The following CABP1 variants were observed in gnomAD, a reference collection of about 807,000 sequenced individuals.
The protein encoded by CABP1 is calcium binding protein 1.
CABP1 carries 17 observed loss-of-function variants against 34.3 expected under a neutral mutation model. The observed-to-expected ratio is 0.50, with a 90% CI of 0.34 to 0.74. CABP1 has a LOEUF of 0.74. Among genes scored for constraint, CABP1 ranks in the 30% least tolerant of loss-of-function variants. The pLI is 0.01. For missense variants in CABP1, 373 were observed against 511.1 expected (o/e 0.73, Z 2.61); for synonymous variants, 198 against 229.2 (o/e 0.86, Z 1.23).
intron 1 of CABP1, among the ~76,000 whole-genome samples, chr12:120,648,602 T>C (rs1487903158): frequency 6.6e-6 from 1 of 152,102 alleles, no homozygotes; most frequent in Non-Finnish European, 1.5e-5. Flanking sequence ...CTGGCAGCGC[T>C]GGGCATGGTG....
At chr12:120,648,268 C>A (rs758488153) in intron 1 of CABP1, among the ~76,000 whole-genome samples, 18 of 152,208 alleles carry the variant, frequency 1.2e-4, no homozygotes, top group Non-Finnish European at 2.2e-4. Context: ...GTTTTCCCTT[C>A]ATAGCATTTA....
chr12:120,655,924 C>CT (rs1207600379), intron 1 of CABP1: 2 of 1,537,252 alleles, frequency 1.3e-6, no homozygotes, highest in Non-Finnish European at 1.7e-6. Flanking sequence ...ATTGGAGACT[C>CT]TGTCTGTTGG....
At chr12:120,678,464 A>G in the CABP1 span, among the ~76,000 whole-genome samples, 25 of 152,082 alleles carry the variant, frequency 1.6e-4, no homozygotes, top group African/African-American at 4.3e-4. Context: ...TTTTCTATTT[A>G]TCAGATTGCC....
the CABP1 span, among the ~76,000 whole-genome samples, chr12:120,675,209 C>T: frequency 1.2e-3 from 185 of 152,092 alleles, no homozygotes; most frequent in Non-Finnish European, 2.3e-3. Flanking sequence ...TGCACCGCCA[C>T]GCCCAGCTAA....
At chr12:120,678,033 C>T in the CABP1 span, among the ~76,000 whole-genome samples, 1 of 152,276 alleles carries the variant, frequency 6.6e-6, no homozygotes, top group South Asian at 2.1e-4. Context: ...GGCTGGCTCC[C>T]CACCTCTCTG....
At chr12:120,650,096 C>G (rs1051654910) in intron 1 of CABP1, 1 of 157,522 alleles carries the variant, frequency 6.3e-6, no homozygotes, top group African/African-American at 2.4e-5. Flanking sequence ...GGCAGGCACC[C>G]TGGCTTCGGG....
At chr12:120,647,560 C>T (rs1370741823) in intron 1 of CABP1, among the ~76,000 whole-genome samples, 1 of 75,662 alleles carries the variant, frequency 1.3e-5, no homozygotes, top group Non-Finnish European at 2.3e-5. Context: ...CAGTCCAAGC[C>T]TTTTTTTTTT....
downstream of CABP1, among the ~76,000 whole-genome samples, chr12:120,672,038 A>C (rs977835249): frequency 2.0e-5 from 3 of 152,152 alleles, no homozygotes; most frequent in African/African-American, 7.2e-5. Flanking sequence ...ATTGTATTCC[A>C]GCCTGGACAA....
At chr12:120,679,725 G>A in the CABP1 span, among the ~76,000 whole-genome samples, 15,111 of 152,116 alleles carry the variant, frequency 0.099, 1,941 homozygotes, top group African/African-American at 0.29. Context: ...TACTAGGGAC[G>A]CTGAGGCAGG....
intron 1 of CABP1, among the ~76,000 whole-genome samples, chr12:120,649,259 C>CG (rs1487662965): frequency 2.0e-5 from 3 of 150,212 alleles, no homozygotes; most frequent in African/African-American, 7.6e-5. Context: ...TTCTGAGCAG[C>CG]CCCCCCACAC....
downstream of CABP1, among the ~76,000 whole-genome samples, chr12:120,669,928 G>A (rs1447029383): frequency 6.6e-6 from 1 of 151,960 alleles, no homozygotes; most frequent in African/African-American, 2.4e-5. Flanking sequence ...TCTTTTTGTT[G>A]GTTTGTTCAT....
At chr12:120,677,422 A>G in the CABP1 span, among the ~76,000 whole-genome samples, 2 of 107,190 alleles carry the variant, frequency 1.9e-5, no homozygotes, top group Non-Finnish European at 3.6e-5. Context: ...TTTGAGACAG[A>G]GTCTCACTCT....
chr12:120,659,699 T>C (rs1214815435), intron 1 of CABP1, 179 bp from the exon 2 acceptor site: 2 of 543,802 alleles, frequency 3.7e-6, no homozygotes, highest in African/African-American at 3.9e-5. Flanking sequence ...GGAGCTTCTA[T>C]GTCTAAGGGA....
Position 120,660,768 on chromosome 12 carries a change from A to T in CABP1, c.867A>T (p.Leu289=). Residue 289 remains leucine (L), a synonymous_variant, in exon 4 of 6, where the codon CTA becomes CTT. Coordinates refer to ENST00000316803, the MANE Select transcript of CABP1 (RefSeq NM_001033677.2). The surrounding 1 kb of genome is among the most constrained non-coding windows in gnomAD (Gnocchi z 5.0). ...GHVDFDDFVE[L]MGPKLLAETA... ...TAGATTTTGATGACTTCGTGGAGCT[A>T]ATGGGGCCTAAACTCCTGGCAGAGA... The T allele has an allele frequency of 1.2e-6, 2 of 1,613,884 alleles. No individual in the cohort carries two copies. Among genetic ancestry groups the T allele is most frequent in the Non-Finnish European group, 1.7e-6 (2 of 1,179,848 alleles).
chr12:120,657,668 G>T (rs1880325651), intron 1 of CABP1, among the ~76,000 whole-genome samples: 1 of 152,230 alleles, frequency 6.6e-6, no homozygotes, highest in East Asian at 1.9e-4. Flanking sequence ...CATGGGGTGT[G>T]TGATCCAAGG....
rs896065426 is a variant in CABP1, at chr12:120,661,343, C to G, written c.1087+125C>G. 1 of 1,064,872 alleles carries G rather than the reference C, an allele frequency of 9.4e-7. No individual in the cohort carries two copies. Among genetic ancestry groups the G allele is most frequent in the African/African-American group, 1.6e-5 (1 of 62,970 alleles). 66.0% of individuals were successfully genotyped at this position (1,064,872 alleles called of 1,614,324 possible). On this transcript the variant is annotated intron_variant, in intron 5 of 5. Transcript: ENST00000316803. This position sits in a 1 kb window ranked among gnomAD's most constrained non-coding sequence, Gnocchi z 5.1. ...TTTTCCAACCCCCAGCCCTTTCATC[C>G]TCTTATCCCTCCGTCCATGCCCCCG...
chr12:120,650,687 G>A, intron 1 of CABP1: 1 of 1,613,986 alleles, frequency 6.2e-7, no homozygotes, highest in Non-Finnish European at 8.5e-7. Flanking sequence ...AGGAAGGTAT[G>A]TTTTTGGAGT....
At chr12:120,675,947 G>T in the CABP1 span, among the ~76,000 whole-genome samples, 7 of 152,140 alleles carry the variant, frequency 4.6e-5, 1 homozygote, top group Admixed American at 3.9e-4. Flanking sequence ...GTGGTGGTGG[G>T]CACCTGTAAT....
intron 5 of CABP1, among the ~76,000 whole-genome samples, chr12:120,665,975 G>T (rs1031131883): frequency 6.8e-6 from 1 of 146,810 alleles, no homozygotes; most frequent in Non-Finnish European, 1.5e-5. Flanking sequence ...CCAAGATCAC[G>T]CCACTGCACT....
Sources: allele counts gnomAD v4.1 joint callset (sites outside exome capture counted in the v4.1 genomes callset), GRCh38; gene constraint gnomAD v4.1.1; non-coding constraint Gnocchi (gnomAD v3.1); transcripts MANE v1.5; gene names NCBI Gene and HGNC (gene_info 2026-07-23, HGNC 2026-07-21).